Variants in PARD3 observed in about 807,000 individuals in gnomAD.
PARD3 encodes the protein par-3 family cell polarity regulator.
In PARD3, 75 loss-of-function variants were observed where a neutral mutation model predicts 155.4. The observed-to-expected ratio is 0.48, with a 90% CI of 0.40 to 0.58. The LOEUF is 0.58. Ranked by LOEUF, PARD3 falls within the 20% of genes least tolerant of loss-of-function variation. PARD3 has a pLI of 0.00. For missense variants in PARD3, 1,642 were observed against 1,721.7 expected, an observed-to-expected ratio of 0.95 and a Z score of 0.82; for synonymous variants, 576 against 610.5, an observed-to-expected ratio of 0.94 and a Z score of 0.83.
chr10:34,247,225 G>C (rs1954012826), intron 22 of PARD3, among the ~76,000 whole-genome samples: 1 of 152,218 alleles, frequency 6.6e-6, no homozygotes, highest in Admixed American at 6.5e-5. Context: ...AGACAGGATA[G>C]ACATGGTGGT....
At chr10:34,412,850 T>C (rs1177354517) in intron 5 of PARD3, among the ~76,000 whole-genome samples, 2 of 152,144 alleles carry the variant, frequency 1.3e-5, no homozygotes, top group African/African-American at 4.8e-5. Context: ...AAAGAGACAT[T>C]ACAATTTTTA....
intron 3 of PARD3, among the ~76,000 whole-genome samples, chr10:34,516,092 G>C (rs1285308030): frequency 6.6e-6 from 1 of 151,862 alleles, no homozygotes; most frequent in Non-Finnish European, 1.5e-5. Flanking sequence ...AGCCTCCCAA[G>C]TAGCTGGGAT....
At chr10:34,441,173 T>C (rs1218013054) in intron 5 of PARD3, among the ~76,000 whole-genome samples, 1 of 152,082 alleles carries the variant, frequency 6.6e-6, no homozygotes, top group Non-Finnish European at 1.5e-5. Context: ...ACTTCCAATA[T>C]GCAAGGAGAA....
chr10:34,312,151 A>C, intron 20 of PARD3: 1 of 885,634 alleles, frequency 1.1e-6, no homozygotes, highest in Non-Finnish European at 1.7e-6. Flanking sequence ...GCGTAATTTA[A>C]ACCCCAAGCT....
At chr10:34,458,025 T>C (rs2077428026) in intron 4 of PARD3, among the ~76,000 whole-genome samples, 2 of 152,094 alleles carry the variant, frequency 1.3e-5, no homozygotes. Flanking sequence ...TCCCATCACA[T>C]GGGAAGGTAG....
In PARD3 at chr10:34,738,103, T is replaced by C. The variant is rs564881140; in HGVS notation, c.121-41684A>G. On this transcript the variant is annotated intron_variant, in intron 1 of 24. Transcript: ENST00000374788. ...TTTCTACTCTATTCTTTCTCTGTCTTTAAAGCCAATTTTAACCTACGAAGA... is the reference window on the plus strand; with the variant it reads ...TTTCTACTCTATTCTTTCTCTGTCTCTAAAGCCAATTTTAACCTACGAAGA... Among the ~76,000 whole-genome samples the C allele has an allele frequency of 3.2e-4, 49 of 152,318 alleles. 1 individual carries two copies. The highest frequency in any genetic ancestry group is 1.2e-3 in the South Asian group (6 of 4,818).
intron 2 of PARD3, among the ~76,000 whole-genome samples, chr10:34,624,232 A>G (rs2091864410): frequency 6.6e-6 from 1 of 152,176 alleles, no homozygotes; most frequent in Non-Finnish European, 1.5e-5. Context: ...AAGGTGTGTA[A>G]CAAGTTAAAC....
intron 2 of PARD3, among the ~76,000 whole-genome samples, chr10:34,642,289 A>C (rs1351880234): frequency 6.6e-6 from 1 of 152,038 alleles, no homozygotes; most frequent in Non-Finnish European, 1.5e-5. Context: ...TACCACGTCA[A>C]AGGGCCCAGC....
intron 12 of PARD3, among the ~76,000 whole-genome samples, chr10:34,368,995 T>C (rs117395143): frequency 0.011 from 1,685 of 151,612 alleles, 16 homozygotes; most frequent in Non-Finnish European, 0.017. Flanking sequence ...CTGTATTACC[T>C]GAAACTATAT....
At chr10:34,177,478 G>A (rs547572237) in intron 22 of PARD3, among the ~76,000 whole-genome samples, 3 of 152,172 alleles carry the variant, frequency 2.0e-5, no homozygotes, top group Non-Finnish European at 2.9e-5. Flanking sequence ...ATTTCAAAAT[G>A]TTTAAGAAGG....
intron 2 of PARD3, among the ~76,000 whole-genome samples, chr10:34,642,325 C>A (rs2092704124): frequency 6.6e-6 from 1 of 152,226 alleles, no homozygotes; most frequent in Non-Finnish European, 1.5e-5. Context: ...TAAAAACATT[C>A]TTTTGCTTTC....
chr10:34,323,356 C>G (rs1360670927), intron 19 of PARD3, among the ~76,000 whole-genome samples: 1 of 152,020 alleles, frequency 6.6e-6, no homozygotes, highest in African/African-American at 2.4e-5. Flanking sequence ...CACACACACA[C>G]AAAGCTGGCA....
At chr10:34,359,081 C>T in intron 14 of PARD3, 66 bp downstream of exon 14, 1 of 1,346,682 alleles carries the variant, frequency 7.4e-7, no homozygotes, top group South Asian at 1.3e-5. Context: ...ACCCTTTGCC[C>T]AAAATTAGGA....
intron 21 of PARD3, among the ~76,000 whole-genome samples, chr10:34,277,858 G>GCA (rs1955963572): frequency 6.6e-6 from 1 of 152,130 alleles, no homozygotes; most frequent in African/African-American, 2.4e-5. Context: ...AAGCCTTTGT[G>GCA]CTTAGGGGGA....
chr10:34,216,506 T>C (rs141590320), intron 22 of PARD3, among the ~76,000 whole-genome samples: 1 of 152,336 alleles, frequency 6.6e-6, no homozygotes, highest in East Asian at 1.9e-4. Context: ...TGTTATTGTA[T>C]ACAGCAATCT....
chr10:34,738,458 G>A (rs964570555), intron 1 of PARD3, among the ~76,000 whole-genome samples: 7 of 152,210 alleles, frequency 4.6e-5, no homozygotes, highest in Non-Finnish European at 8.8e-5. Context: ...GGGGTTATAG[G>A]TGTGAGCCAC....
intron 2 of PARD3, among the ~76,000 whole-genome samples, chr10:34,608,272 T>A (rs1476229313): frequency 1.3e-5 from 2 of 152,180 alleles, no homozygotes; most frequent in African/African-American, 4.8e-5. Flanking sequence ...GATTTCTGCC[T>A]CGCTCTTCCA....
intron 2 of PARD3, among the ~76,000 whole-genome samples, chr10:34,582,105 C>T (rs931064228): frequency 6.6e-6 from 1 of 152,214 alleles, no homozygotes; most frequent in Non-Finnish European, 1.5e-5. Flanking sequence ...GAATTTATTG[C>T]CAATTCAGTC....
At chr10:34,630,882 A>G (rs2092240323) in intron 2 of PARD3, among the ~76,000 whole-genome samples, 1 of 151,612 alleles carries the variant, frequency 6.6e-6, no homozygotes, top group Non-Finnish European at 1.5e-5. Context: ...TGGCGCAATC[A>G]TATTTCACTA....
Sources: allele counts gnomAD v4.1 joint callset (sites outside exome capture counted in the v4.1 genomes callset), GRCh38; gene constraint gnomAD v4.1.1; transcripts MANE v1.5; gene names NCBI Gene and HGNC (gene_info 2026-07-23, HGNC 2026-07-21).